Variants in SUN2 observed in about 807,000 individuals in gnomAD.
SUN2 encodes the protein SUN domain-containing protein 2.
SUN2 carries 60 observed loss-of-function variants against 100.0 expected under a neutral mutation model. The observed-to-expected ratio is 0.60, with a 90% CI of 0.49 to 0.74. The LOEUF (loss-of-function observed/expected upper bound fraction) is 0.74, where lower values mean the gene tolerates loss of function less well. Among genes scored for constraint, SUN2 ranks in the 30% least tolerant of loss-of-function variants. The pLI, the probability that SUN2 is intolerant of heterozygous loss-of-function variation, is 0.00. For synonymous variants in SUN2, 367 were observed against 403.3 expected, an observed-to-expected ratio of 0.91 and a Z score of 1.08; for missense variants, 834 against 954.6, an observed-to-expected ratio of 0.87 and a Z score of 1.66.
rs2092800716 is a variant in SUN2, at chr22:38,735,909, C to T, written c.*358G>A. ...GCCGTAGCTTGCCCCTCCCACAGCC[C>T]TGGCACCTGCTTCATCAGCTCCCAG... On this transcript the variant is annotated 3_prime_UTR_variant, in exon 18 of 18. Coordinates refer to ENST00000689035, the MANE Select transcript of SUN2 (RefSeq NM_015374.3). The T allele has an allele frequency of 9.5e-6, 2 of 209,636 alleles. No homozygotes were observed. The highest frequency in any genetic ancestry group is 2.0e-5 in the Non-Finnish European group (2 of 98,762). The allele number at this position is 209,636 out of a possible 1,614,324, so 13.0% of individuals were successfully genotyped here. A position where few individuals can be genotyped will look rare whatever the true frequency, so the allele number is the denominator to read the frequency against.
In SUN2 at chr22:38,738,312, A is replaced by G; in HGVS notation, c.1948-47T>C. On this transcript the variant is annotated intron_variant, in intron 16 of 17. Transcript: ENST00000689035. This position sits in a 1 kb window ranked among gnomAD's most constrained non-coding sequence, Gnocchi z 6.6. Reference sequence around the variant, plus strand: ...GTGGGGAGGGGCTGGAGCAGGGAGAACACCCCTCCCCACTCCAATCCCTGC... The same window carrying G: ...GTGGGGAGGGGCTGGAGCAGGGAGAGCACCCCTCCCCACTCCAATCCCTGC... 1 of 1,509,534 alleles carries G rather than the reference A, an allele frequency of 6.6e-7. No homozygotes were observed. The highest frequency in any genetic ancestry group is 9.2e-7 in the Non-Finnish European group (1 of 1,090,242). 93.5% of individuals were successfully genotyped at this position (1,509,534 alleles called of 1,614,324 possible).
intron 7 of SUN2, among the ~76,000 whole-genome samples, chr22:38,748,386 A>G (rs930675691): frequency 2.6e-5 from 4 of 152,228 alleles, no homozygotes; most frequent in African/African-American, 9.6e-5. Flanking sequence ...ACAGCTCAAG[A>G]TTTAACTTCA....
chr22:38,738,396 T>C lies in SUN2; in HGVS notation c.1948-131A>G. On this transcript the variant is annotated intron_variant, in intron 16 of 17. Transcript: ENST00000689035. The surrounding 1 kb of genome is among the most constrained non-coding windows in gnomAD (Gnocchi z 6.6). ...CCTATGACAAGTCACTTCACTCTCT[T>C]GTGCCACAGTTTCTGCCTCCAAAGC... The C allele has an allele frequency of 9.2e-7, 1 of 1,089,360 alleles. No individual in the cohort carries two copies. Among genetic ancestry groups the C allele is most frequent in the Non-Finnish European group, 1.3e-6 (1 of 751,748 alleles). The allele number at this position is 1,089,360 out of a possible 1,614,324, so 67.5% of individuals were successfully genotyped here. A position where few individuals can be genotyped will look rare whatever the true frequency, so the allele number is the denominator to read the frequency against.
chr22:38,745,888 T>A, intron 7 of SUN2, 77 bp from the exon 8 acceptor site: 1 of 1,554,412 alleles, frequency 6.4e-7, no homozygotes, highest in Non-Finnish European at 8.7e-7. Context: ...GGCTACCTGA[T>A]CCCTGCCAGT....
At chr22:38,750,131 C>A (rs796894088) in intron 5 of SUN2, 94 bp downstream of exon 5, 1 of 1,532,732 alleles carries the variant, frequency 6.5e-7, no homozygotes, top group African/African-American at 1.4e-5. Flanking sequence ...GTCCTACAGT[C>A]TCTCTGCATG....
In SUN2 at chr22:38,755,567, G is replaced by C. The variant is rs1266262825; in HGVS notation, c.-38+196C>G. On this transcript the variant is annotated intron_variant, in intron 1 of 17. Coordinates refer to ENST00000689035, the MANE Select transcript of SUN2 (RefSeq NM_015374.3). This position sits in a 1 kb window ranked among gnomAD's most constrained non-coding sequence, Gnocchi z 5.7. ...CGCCCTCCCGGCTGACCAGTGGCGC[G>C]GCAGGCGGGGCGGGGGCCAGGAGGT... is the stretch of plus-strand genomic sequence containing the variant. 9 of 960,808 alleles carry C rather than the reference G, an allele frequency of 9.4e-6. No individual in the cohort carries two copies. The highest frequency in any genetic ancestry group is 9.9e-6 in the Non-Finnish European group (8 of 807,306). The allele number at this position is 960,808 out of a possible 1,614,324, so 59.5% of individuals were successfully genotyped here.
In SUN2 at chr22:38,740,651, C is replaced by T. The variant is rs1339552699; in HGVS notation, c.1191-219G>A. 8 of 562,382 alleles carry T rather than the reference C, an allele frequency of 1.4e-5. No homozygotes were observed. Among genetic ancestry groups the T allele is most frequent in the East Asian group, 2.9e-5 (1 of 34,064 alleles). 34.8% of individuals were successfully genotyped at this position (562,382 alleles called of 1,614,324 possible). On this transcript the variant is annotated intron_variant, in intron 11 of 17. Transcript: ENST00000689035. This position sits in a 1 kb window ranked among gnomAD's most constrained non-coding sequence, Gnocchi z 4.8. ...ATTCTGAGCCTGCTCCCTTTCTAAG[C>T]CCAGAGTCCAGAATGTACTCTGCCT...
intron 1 of SUN2, among the ~76,000 whole-genome samples, chr22:38,754,486 G>A (rs778880760): frequency 1.3e-5 from 2 of 152,176 alleles, no homozygotes; most frequent in African/African-American, 4.8e-5. Flanking sequence ...CAGGTCAGAC[G>A]CCCATCTGGC....
At position 38,737,631 on chromosome 22, in the gene SUN2, A is replaced by G. The variant is rs867270874; in HGVS notation, c.2040+542T>C. The G allele has an allele frequency of 1.7e-4, 52 of 307,284 alleles. No individual in the cohort carries two copies. Among genetic ancestry groups the G allele is most frequent in the African/African-American group, 1.1e-3 (48 of 45,594 alleles). The allele number at this position is 307,284 out of a possible 1,614,324, so 19.0% of individuals were successfully genotyped here. A position where few individuals can be genotyped will look rare whatever the true frequency, so the allele number is the denominator to read the frequency against. The stretch of plus-strand genomic sequence containing the variant: ...CACCTCCCACTATCCCGCCAACCCA[A>G]TTCCTCACTCCAGGACTCCCCCGGT... On this transcript the variant is annotated intron_variant, in intron 17 of 17. Coordinates refer to ENST00000689035, the MANE Select transcript of SUN2 (RefSeq NM_015374.3). The surrounding 1 kb of genome is among the most constrained non-coding windows in gnomAD (Gnocchi z 4.1).
intron 8 of SUN2, among the ~76,000 whole-genome samples, chr22:38,745,456 G>GAT (rs2092896155): frequency 6.6e-6 from 1 of 152,206 alleles, no homozygotes; most frequent in South Asian, 2.1e-4. Context: ...CCTAGTCATA[G>GAT]AAGGTGCCCA....
chr22:38,745,170 G>A, intron 8 of SUN2: 2 of 471,158 alleles, frequency 4.2e-6, no homozygotes, highest in Non-Finnish European at 8.8e-6. Flanking sequence ...AAACAGCTGG[G>A]GCTAGCCTGC....
At chr22:38,744,763 C>T (rs1049722511) in intron 8 of SUN2, among the ~76,000 whole-genome samples, 26 of 152,172 alleles carry the variant, frequency 1.7e-4, no homozygotes, top group Admixed American at 1.6e-3. Context: ...ACCTTGGCCT[C>T]CCAAAGTGCC....
rs139238410 is a variant in SUN2 at position 38,737,771 on chromosome 22, A to C, written c.2040+402T>G. 2 of 392,358 alleles carry C rather than the reference A, an allele frequency of 5.1e-6. No individual in the cohort carries two copies. Among genetic ancestry groups the C allele is most frequent in the East Asian group, 1.4e-4 (2 of 14,340 alleles). The allele number at this position is 392,358 out of a possible 1,614,324, so 24.3% of individuals were successfully genotyped here. A position where few individuals can be genotyped will look rare whatever the true frequency, so the allele number is the denominator to read the frequency against. ...AATCTGCATTTCTAACTGACTTAGGAGATCGGATGCCCACTGAAGTTTAAG... is the reference window on the plus strand; with the variant it reads ...AATCTGCATTTCTAACTGACTTAGGCGATCGGATGCCCACTGAAGTTTAAG... On this transcript the variant is annotated intron_variant, in intron 17 of 17. Transcript: ENST00000689035. The surrounding 1 kb of genome is among the most constrained non-coding windows in gnomAD (Gnocchi z 4.1).
chr22:38,740,270 G>T lies in SUN2; in HGVS notation c.1353C>A (p.Asp451Glu). ...LLPQQIQAVRDDVESQFPAWI... is the reference protein window; with the variant it reads ...LLPQQIQAVREDVESQFPAWI... ...GGCCCTGGTGGTTCCCACTCACGTC[G>T]TCCCGCACGGCCTGGATCTGCTGGG... Residue 451 changes from aspartate (D) to glutamate (E), a missense_variant, in exon 12 of 18, where the codon GAC (aspartate) becomes GAA (glutamate). Around this residue, in one of 3 missense-constraint regions of SUN2, gnomAD observed 559 missense variants for 597.7 expected, o/e 0.94. Transcript: ENST00000689035. This position sits in a 1 kb window ranked among gnomAD's most constrained non-coding sequence, Gnocchi z 4.8. The T allele has an allele frequency of 6.3e-7, 1 of 1,585,376 alleles. No individual in the cohort carries two copies. Among genetic ancestry groups the T allele is most frequent in the Non-Finnish European group, 8.6e-7 (1 of 1,165,166 alleles).
intron 8 of SUN2, 162 bp from the exon 9 acceptor site, chr22:38,742,717 G>A: frequency 3.4e-6 from 3 of 878,170 alleles, no homozygotes; most frequent in Non-Finnish European, 5.0e-6. Context: ...GGCAGGGGCT[G>A]CCGACCTCTG....
At position 38,740,364 on chromosome 22, in the gene SUN2, C is replaced by T. The variant is rs938909577; in HGVS notation, c.1259G>A (p.Gly420Asp). 1.9e-6 allele frequency: 3 copies of T among 1,578,908 alleles called. No homozygotes were observed. The African/African-American group carries it at 4.0e-5, about 21-fold the overall frequency. The change falls in exon 12 of 18, where the codon GGC (glycine) becomes GAC (aspartate). Residue 420 changes from glycine (G) to aspartate (D), a missense_variant. Transcript: ENST00000689035. The surrounding 1 kb of genome is among the most constrained non-coding windows in gnomAD (Gnocchi z 4.8). ...ELRRLEDQLAGLQQELAALAL... is the reference protein window; with the variant it reads ...ELRRLEDQLADLQQELAALAL... ...CAGAGCCGCCAGCTCCTGCTGCAGG[C>T]CGGCCAGCTGGTCCTCCAGCCGCCT...
Position 38,742,291 on chromosome 22 carries a change from C to T in SUN2, c.1068+10G>A. 1.9e-6 allele frequency: 3 copies of T among 1,586,766 alleles called. No homozygotes were observed. The highest frequency in any genetic ancestry group is 2.6e-6 in the Non-Finnish European group (3 of 1,161,004). On this transcript the variant is annotated intron_variant, in intron 9 of 17. Coordinates refer to ENST00000689035, the MANE Select transcript of SUN2 (RefSeq NM_015374.3). ...ACCCACCTCCCACCCTGAGGTATTC[C>T]ACCTCCTACCTGGATGCGAGCAGCA...
intron 6 of SUN2, among the ~76,000 whole-genome samples, 169 bp downstream of exon 6, chr22:38,749,597 C>T (rs868752121): frequency 2.6e-5 from 4 of 152,212 alleles, no homozygotes; most frequent in African/African-American, 9.6e-5. Context: ...AGTCCATCCT[C>T]TGTCAGGCAG....
Position 38,751,448 on chromosome 22 carries a change from G to A in SUN2, c.123-75C>T, listed in dbSNP as rs1005994856. 18 of 1,560,562 alleles carry A rather than the reference G, an allele frequency of 1.2e-5. No homozygotes were observed. In the Admixed American group the frequency reaches 3.3e-4, roughly 28 times the overall value. On this transcript the variant is annotated intron_variant, in intron 2 of 17. Coordinates refer to ENST00000689035, the MANE Select transcript of SUN2 (RefSeq NM_015374.3). Reference sequence around the variant, plus strand: ...GCCAGGAGCATGAAGGAAAGCCACAGCCTGCGGCCCTGCCTAGTGCAGGGT... The same window carrying A: ...GCCAGGAGCATGAAGGAAAGCCACAACCTGCGGCCCTGCCTAGTGCAGGGT...
Sources: gnomAD v4.1 joint callset for allele counts (sites outside exome capture counted in the v4.1 genomes callset) on GRCh38, gnomAD v4.1.1 for gene constraint, gnomAD v4.1.1 regional missense constraint, Gnocchi (gnomAD v3.1) non-coding constraint, MANE v1.5 for transcripts, NCBI Gene and HGNC (gene_info 2026-07-23, HGNC 2026-07-21) for gene names.